The following HDAC9 variants were observed in gnomAD, a reference collection of about 807,000 sequenced individuals.
HDAC9 encodes the protein MEF-2 interacting transcription repressor (MITR) protein.
A neutral mutation model predicts 139.4 loss-of-function variants in HDAC9; 41 were observed. The ratio of observed to expected loss-of-function variants is 0.29; its 90% CI spans 0.23 to 0.38. HDAC9 has a LOEUF of 0.38. HDAC9 is among the 10% of genes least tolerant of loss of function. The pLI is 1.00. For missense variants in HDAC9, 1,147 were observed against 1,297.0 expected, an observed-to-expected ratio of 0.88 and a Z score of 1.78; for synonymous variants, 517 against 476.2, an observed-to-expected ratio of 1.09 and a Z score of -1.12.
chr7:18,135,263 T>C (rs1785308026), intron 1 of HDAC9, among the ~76,000 whole-genome samples: 1 of 151,760 alleles, frequency 6.6e-6, no homozygotes, highest in African/African-American at 2.4e-5. Flanking sequence ...TTCTTTTTTT[T>C]TTTTTTTTAA....
chr7:18,242,457 A>G (rs1794249845), intron 2 of HDAC9, among the ~76,000 whole-genome samples: 1 of 152,218 alleles, frequency 6.6e-6, no homozygotes, highest in African/African-American at 2.4e-5. Flanking sequence ...AATCCTTGAG[A>G]TGATCTAACC....
intron 2 of HDAC9, among the ~76,000 whole-genome samples, chr7:18,201,486 C>G: frequency 6.6e-6 from 1 of 152,212 alleles, no homozygotes; most frequent in East Asian, 1.9e-4. Flanking sequence ...AGCTTAGCCA[C>G]TCAGTCATAG....
intron 2 of HDAC9, among the ~76,000 whole-genome samples, chr7:18,573,863 G>T (rs1365584855): frequency 6.6e-6 from 1 of 152,160 alleles, no homozygotes; most frequent in Non-Finnish European, 1.5e-5. Flanking sequence ...CTGGCTCAGG[G>T]AGCCCCTGGG....
At chr7:18,334,320 C>G (rs550486846) in intron 1 of HDAC9, among the ~76,000 whole-genome samples, 1 of 151,338 alleles carries the variant, frequency 6.6e-6, no homozygotes, top group East Asian at 2.0e-4. Flanking sequence ...AATAATTCAC[C>G]TGAATCAGGA....
Position 18,758,225 on chromosome 7 carries a change from T to A in HDAC9, c.2044-3932T>A, listed in dbSNP as rs191306572. 2.6e-3 allele frequency among the ~76,000 whole-genome samples: 391 copies of A among 152,338 alleles called. 1 individual carries two copies. The highest frequency in any genetic ancestry group is 9.1e-3 in the African/African-American group (378 of 41,584). ...TCCCCAGATGAAATCCATTCCTTAT[T>A]TGCATTGTGTGCCCCAATATGCTCA... is the stretch of plus-strand genomic sequence containing the variant. On this transcript the variant is annotated intron_variant, in intron 14 of 25. Coordinates refer to ENST00000686413, the MANE Select transcript of HDAC9 (RefSeq NM_178425.4).
At chr7:18,835,355 C>T (rs1796159743) in intron 19 of HDAC9, 112 bp from the exon 20 acceptor site, 1 of 1,177,132 alleles carries the variant, frequency 8.5e-7, no homozygotes, top group Admixed American at 2.8e-5. Flanking sequence ...AGTGAGAAGA[C>T]AGAAAATGAG....
At chr7:18,659,184 C>G (rs1792342212) in intron 11 of HDAC9, among the ~76,000 whole-genome samples, 1 of 152,088 alleles carries the variant, frequency 6.6e-6, no homozygotes, top group African/African-American at 2.4e-5. Context: ...CTGTGGGAAA[C>G]ATTAAAATTA....
chr7:18,994,191 T>A (rs1786262541), intron 25 of HDAC9, among the ~76,000 whole-genome samples: 1 of 152,176 alleles, frequency 6.6e-6, no homozygotes, highest in South Asian at 2.1e-4. Context: ...CCAGCCACAC[T>A]GAATCCTGGA....
intron 2 of HDAC9, among the ~76,000 whole-genome samples, chr7:18,259,781 C>T (rs141377108): frequency 4.5e-4 from 69 of 152,248 alleles, no homozygotes; most frequent in African/African-American, 1.5e-3. Flanking sequence ...CTTTAGATCA[C>T]CTTTCGAGCC....
intron 12 of HDAC9, among the ~76,000 whole-genome samples, chr7:18,723,763 C>T (rs570058499): frequency 3.9e-5 from 6 of 152,028 alleles, no homozygotes; most frequent in Admixed American, 6.6e-5. Flanking sequence ...GGAGTCCTTA[C>T]GGTATCAAAC....
chr7:18,422,517 T>TCTCTA (rs1789717212), intron 1 of HDAC9, among the ~76,000 whole-genome samples: 10 of 152,172 alleles, frequency 6.6e-5, no homozygotes, highest in Non-Finnish European at 1.5e-5. Context: ...GTCCATGGAC[T>TCTCTA]AATAGTGGTG....
intron 2 of HDAC9, among the ~76,000 whole-genome samples, chr7:18,235,167 T>C (rs1793731892): frequency 1.3e-5 from 2 of 152,180 alleles, no homozygotes; most frequent in Non-Finnish European, 2.9e-5. Context: ...TAAAACACCA[T>C]ATTTGTTTAT....
chr7:18,517,739 C>T (rs1803702435), intron 2 of HDAC9: 1 of 152,132 alleles, frequency 6.6e-6, no homozygotes, highest in Non-Finnish European at 1.5e-5. Flanking sequence ...TGTTTTCTTC[C>T]ATTCTCACCC....
intron 12 of HDAC9, among the ~76,000 whole-genome samples, chr7:18,724,885 A>G (rs1459226555): frequency 6.6e-6 from 1 of 152,206 alleles, no homozygotes; most frequent in Admixed American, 6.5e-5. Context: ...ATAAAAGACT[A>G]TGGCAGGGAA....
intron 1 of HDAC9, among the ~76,000 whole-genome samples, chr7:18,115,416 A>G (rs1783913296): frequency 6.6e-6 from 1 of 152,232 alleles, no homozygotes; most frequent in Non-Finnish European, 1.5e-5. Context: ...TTTTTAGATG[A>G]CAAAAAAATT....
intron 17 of HDAC9, among the ~76,000 whole-genome samples, chr7:18,810,129 G>T (rs1040974818): frequency 2.0e-5 from 3 of 151,818 alleles, no homozygotes; most frequent in Non-Finnish European, 4.4e-5. Context: ...TTACATGTGG[G>T]TTCTAAAATA....
Position 18,548,233 on chromosome 7 carries a change from G to T in HDAC9, c.23-37048G>T, listed in dbSNP as rs10242336. ...ACAACATTTACAGATTAAGTTCGCC[G>T]TCTTATATGGGTGTGGTTCGTGGTG... On this transcript the variant is annotated intron_variant, in intron 2 of 25. Coordinates refer to ENST00000686413, the MANE Select transcript of HDAC9 (RefSeq NM_178425.4). Among the ~76,000 whole-genome samples the T allele has an allele frequency of 8.0e-3, 1,219 of 152,122 alleles. 18 individuals carry two copies. Among genetic ancestry groups the T allele is most frequent in the African/African-American group, 0.028 (1,162 of 41,486 alleles).
intron 25 of HDAC9, among the ~76,000 whole-genome samples, chr7:18,991,372 G>A (rs1785928084): frequency 6.6e-6 from 1 of 152,192 alleles, no homozygotes; most frequent in Non-Finnish European, 1.5e-5. Context: ...TGGGCACAGT[G>A]GCTCATGCCT....
At chr7:18,987,611 T>C (rs1420074509) in intron 25 of HDAC9, among the ~76,000 whole-genome samples, 1 of 152,186 alleles carries the variant, frequency 6.6e-6, no homozygotes, top group Non-Finnish European at 1.5e-5. Flanking sequence ...TCCCTCTTTT[T>C]CTATTGATTG....
Sources: allele counts gnomAD v4.1 joint callset (sites outside exome capture counted in the v4.1 genomes callset), GRCh38; gene constraint gnomAD v4.1.1; transcripts MANE v1.5; gene names NCBI Gene and HGNC (gene_info 2026-07-23, HGNC 2026-07-21).